PASD1: variants seen among roughly 807,000 people sequenced by gnomAD.
PASD1 encodes the protein PAS domain containing repressor 1.
Under a neutral mutation model 58.8 loss-of-function variants are expected in PASD1, and 13 were observed. That is an observed-to-expected ratio of 0.22 (90% CI 0.14 to 0.35). The LOEUF is 0.35. PASD1 is among the 10% of genes least tolerant of loss of function. The pLI, the probability that PASD1 is intolerant of heterozygous loss-of-function variation, is 1.00. For synonymous variants in PASD1, 236 were observed against 216.7 expected, an observed-to-expected ratio of 1.09 and a Z score of -0.78; for missense variants, 734 against 568.3, an observed-to-expected ratio of 1.29 and a Z score of -2.96.
chrX:151,623,549 C>G (rs1247304746), intron 7 of PASD1, among the ~76,000 whole-genome samples: 1 of 111,772 alleles, frequency 8.9e-6, no homozygotes, highest in Non-Finnish European at 1.9e-5. Context: ...ATTCAGCTTC[C>G]ATTAATTTTT....
At chrX:151,663,870 A>G (rs1252592223) in intron 10 of PASD1, among the ~76,000 whole-genome samples, 1 of 112,031 alleles carries the variant, frequency 8.9e-6, no homozygotes, top group Non-Finnish European at 1.9e-5. Context: ...GAATGAAATG[A>G]CACTAACAAA....
intron 8 of PASD1, among the ~76,000 whole-genome samples, chrX:151,628,752 A>C (rs1010145467): frequency 1.3e-4 from 14 of 111,649 alleles, no homozygotes; most frequent in Non-Finnish European, 2.6e-4. Context: ...CTTGATGGGG[A>C]TGGCATTGAA....
At chrX:151,567,425 G>A (rs941588180) in intron 1 of PASD1, among the ~76,000 whole-genome samples, 8 of 111,926 alleles carry the variant, frequency 7.1e-5, no homozygotes, top group African/African-American at 2.3e-4. Flanking sequence ...AGAGCTCAAA[G>A]GAGTAGTCAC....
intron 1 of PASD1, among the ~76,000 whole-genome samples, chrX:151,588,723 T>G (rs2013205043): frequency 8.9e-6 from 1 of 112,208 alleles, no homozygotes; most frequent in Non-Finnish European, 1.9e-5. Context: ...CCTCTTCAGA[T>G]GTGGAAGAGT....
chrX:151,617,249 T>C (rs1177619350), intron 4 of PASD1, among the ~76,000 whole-genome samples: 1 of 111,394 alleles, frequency 9.0e-6, no homozygotes, highest in Non-Finnish European at 1.9e-5. Flanking sequence ...CGATCATGCT[T>C]TCAGGTCTCC....
At position 151,676,109 on chromosome X, in the gene PASD1, C is replaced by G; in HGVS notation, c.2288C>G (p.Pro763Arg). The G allele has an allele frequency of 8.3e-7, 1 of 1,210,253 alleles. No homozygotes were observed. The highest frequency in any genetic ancestry group is 1.1e-6 in the Non-Finnish European group (1 of 894,979). The change falls in exon 16 of 16, where the codon CCT becomes CGT. Residue 763 changes from proline (P) to arginine (R), a missense_variant. Pro to Arg is a moderately radical substitution (Grantham distance 103). Transcript: ENST00000370357. ...MRSAEQTRLM[P>R]AEQRDSNKPC The stretch of plus-strand genomic sequence containing the variant: ...TCTGCGGAGCAGACCAGATTGATGC[C>G]TGCAGAGCAACGTGACTCAAATAAG...
At chrX:151,672,993 A>G (rs968788065) in intron 14 of PASD1, 3 of 210,402 alleles carry the variant, frequency 1.4e-5, no homozygotes, top group African/African-American at 5.7e-5. Context: ...CAGGGTGTCT[A>G]TGGACAAGTC....
In PASD1 at chrX:151,653,875, T is replaced by TTTCTTTC. The variant is rs1569413925; in HGVS notation, c.717+5176_717+5182dup. Among the ~76,000 whole-genome samples the TTTCTTTC allele has an allele frequency of 1.4e-3, 20 of 14,096 alleles. 1 individual carries two copies. Among genetic ancestry groups the TTTCTTTC allele is most frequent in the African/African-American group, 4.5e-3 (19 of 4,176 alleles). 12.2% of individuals were successfully genotyped at this position (14,096 alleles called of 115,157 possible). A position where few individuals can be genotyped will look rare whatever the true frequency, so the allele number is the denominator to read the frequency against. On this transcript the variant is annotated intron_variant, in intron 9 of 15. Transcript: ENST00000370357. ...CCCTCCCTCCCTCCCTCCCTCTTTC[T>TTTCTTTC]TTCTTTCTTTCTTTCTTTCTTTCTT...
chrX:151,614,464 T>C (rs1320612821), intron 4 of PASD1, among the ~76,000 whole-genome samples: 2 of 111,943 alleles, frequency 1.8e-5, no homozygotes, highest in Non-Finnish European at 3.8e-5. Context: ...TGAAGAGGGG[T>C]TACCTAGAAT....
chrX:151,604,772 G>A (rs1165498361), intron 3 of PASD1, 38 bp downstream of exon 3: 1 of 1,009,261 alleles, frequency 9.9e-7, no homozygotes, highest in Admixed American at 2.3e-5. Flanking sequence ...TTCATATGTT[G>A]AATACATGTA....
Position 151,596,202 on chromosome X carries a change from A to G in PASD1, c.-27-5325A>G, listed in dbSNP as rs186899740. Among the ~76,000 whole-genome samples, 647 of 112,146 alleles carry G rather than the reference A, an allele frequency of 5.8e-3. 5 individuals are homozygous for G. Among genetic ancestry groups the G allele is most frequent in the African/African-American group, 0.02 (620 of 30,876 alleles). Reference sequence around the variant, plus strand: ...AAAGAAAAGGGGTTTATTTAACTCAAGGTTCTGCAGGATGAGAAGTTCAAG... The same window carrying G: ...AAAGAAAAGGGGTTTATTTAACTCAGGGTTCTGCAGGATGAGAAGTTCAAG... On this transcript the variant is annotated intron_variant, in intron 1 of 15. Transcript: ENST00000370357.
intron 8 of PASD1, among the ~76,000 whole-genome samples, chrX:151,646,792 A>G (rs762706334): frequency 8.9e-6 from 1 of 112,735 alleles, no homozygotes; most frequent in African/African-American, 3.2e-5. Context: ...TTATCTGTTT[A>G]TTCCTTTATT....
At chrX:151,668,873 C>G (rs881893) in intron 11 of PASD1, among the ~76,000 whole-genome samples, 30,539 of 105,038 alleles carry the variant, frequency 0.29, 4,232 homozygotes, top group East Asian at 0.94. Context: ...CCAGCATCAT[C>G]CTGATACCAA....
intron 1 of PASD1, among the ~76,000 whole-genome samples, chrX:151,598,678 T>A (rs2013353964): frequency 8.9e-6 from 1 of 112,064 alleles, no homozygotes; most frequent in Non-Finnish European, 1.9e-5. Context: ...CATTGTTCAA[T>A]CCATCTTTTA....
intron 2 of PASD1, among the ~76,000 whole-genome samples, chrX:151,602,799 G>T (rs2013437137): frequency 9.0e-6 from 1 of 111,523 alleles, no homozygotes; most frequent in Non-Finnish European, 1.9e-5. Flanking sequence ...TACATGATCT[G>T]GCCCTTCCTG....
intron 8 of PASD1, among the ~76,000 whole-genome samples, chrX:151,629,232 G>A (rs912918959): frequency 1.8e-5 from 2 of 111,170 alleles, no homozygotes; most frequent in African/African-American, 6.6e-5. Flanking sequence ...CGATTCTCCT[G>A]CCTCAGCCTC....
At chrX:151,662,510 A>T (rs1177409276) in intron 10 of PASD1, among the ~76,000 whole-genome samples, 1 of 111,236 alleles carries the variant, frequency 9.0e-6, no homozygotes. Flanking sequence ...AGTTGTACTC[A>T]TTGTTACAGG....
At position 151,676,023 on chromosome X, in the gene PASD1, G is replaced by A. The variant is rs754505272; in HGVS notation, c.2202G>A (p.Glu734=). ...HQVQVSEVGV[E]GPPDPQAFQG... is the part of the protein sequence containing the mutation. ...TGCAAGTTTCTGAGGTAGGAGTCGAGGGACCTCCTGATCCACAGGCTTTCC... is the reference window on the plus strand; with the variant it reads ...TGCAAGTTTCTGAGGTAGGAGTCGAAGGACCTCCTGATCCACAGGCTTTCC... Residue 734 remains glutamate (E), a synonymous_variant, in exon 16 of 16, where the codon GAG becomes GAA. Transcript: ENST00000370357. The A allele has an allele frequency of 8.3e-7, 1 of 1,211,416 alleles. No individual in the cohort carries two copies. Among genetic ancestry groups the A allele is most frequent in the South Asian group, 1.8e-5 (1 of 56,948 alleles).
chrX:151,588,803 C>T lies in PASD1; in HGVS notation c.-27-12724C>T, dbSNP rs965541958. Among the ~76,000 whole-genome samples the T allele has an allele frequency of 2.7e-5, 3 of 111,638 alleles. No individual in the cohort carries two copies. The Admixed American group carries it at 2.9e-4, about 11-fold the overall frequency. ...TTGTTCATGATCATACTTTTTGCAC[C>T]ATTAGAAATTACTGCTAACATTTGC... On this transcript the variant is annotated intron_variant, in intron 1 of 15. Transcript: ENST00000370357.
Sources: allele counts gnomAD v4.1 joint callset (sites outside exome capture counted in the v4.1 genomes callset), GRCh38; gene constraint gnomAD v4.1.1; transcripts MANE v1.5; gene names NCBI Gene and HGNC (gene_info 2026-07-23, HGNC 2026-07-21).